The following FGF14 variants were observed in gnomAD, a reference collection of about 807,000 sequenced individuals.
FGF14 encodes the protein fibroblast growth factor 14.
In FGF14, 5 loss-of-function variants were observed where a neutral mutation model predicts 25.5. The ratio of observed to expected loss-of-function variants is 0.20; its 90% CI spans 0.10 to 0.41. The LOEUF is 0.41. Among genes scored for constraint, FGF14 ranks in the 10% least tolerant of loss-of-function variants. The pLI is 1.00. For missense variants in FGF14, 222 were observed against 320.1 expected (o/e 0.69, Z 2.34); for synonymous variants, 138 against 118.3 (o/e 1.17, Z -1.08).
intron 1 of FGF14, among the ~76,000 whole-genome samples, chr13:102,310,444 T>C (rs1364136399): frequency 6.6e-6 from 1 of 152,116 alleles, no homozygotes; most frequent in East Asian, 1.9e-4. Flanking sequence ...ATGGAACTAA[T>C]AAGTATTAAA....
At chr13:102,086,797 A>C (rs2043928747) in intron 1 of FGF14, among the ~76,000 whole-genome samples, 1 of 152,204 alleles carries the variant, frequency 6.6e-6, no homozygotes, top group Admixed American at 6.5e-5. Context: ...GTGTGATGGA[A>C]TTTCAATATG....
chr13:102,149,254 T>C (rs1243925096), intron 1 of FGF14, among the ~76,000 whole-genome samples: 1 of 152,066 alleles, frequency 6.6e-6, no homozygotes, highest in Non-Finnish European at 1.5e-5. Context: ...CACTCATTGA[T>C]ATAAAATGGC....
intron 1 of FGF14, among the ~76,000 whole-genome samples, chr13:102,262,597 C>T (rs1223616419): frequency 6.6e-6 from 1 of 152,074 alleles, no homozygotes; most frequent in African/African-American, 2.4e-5. Context: ...AATCCATGCA[C>T]ATATCTGTTA....
chr13:102,260,501 G>C (rs750247664), intron 1 of FGF14, among the ~76,000 whole-genome samples: 1 of 152,190 alleles, frequency 6.6e-6, no homozygotes, highest in Non-Finnish European at 1.5e-5. Context: ...GGGGAGTATC[G>C]GAAATGGCTC....
intron 1 of FGF14, among the ~76,000 whole-genome samples, chr13:102,269,710 A>G (rs991827096): frequency 6.6e-6 from 1 of 152,044 alleles, no homozygotes; most frequent in Non-Finnish European, 1.5e-5. Context: ...AATCTTTAAC[A>G]CAAGTTGATG....
At chr13:102,044,669 TC>T (rs746831863) in intron 1 of FGF14, among the ~76,000 whole-genome samples, 30 of 152,268 alleles carry the variant, frequency 2.0e-4, no homozygotes, top group Non-Finnish European at 3.7e-4. Flanking sequence ...CCATGATCTC[TC>T]AAAGCCATTT....
chr13:102,131,977 C>T (rs2046216893), intron 1 of FGF14, among the ~76,000 whole-genome samples: 1 of 152,154 alleles, frequency 6.6e-6, no homozygotes, highest in Non-Finnish European at 1.5e-5. Flanking sequence ...TGCAGCCATT[C>T]TGGATCAGAT....
At chr13:101,963,201 A>G (rs1455767875) in intron 1 of FGF14, among the ~76,000 whole-genome samples, 2 of 152,258 alleles carry the variant, frequency 1.3e-5, no homozygotes, top group Non-Finnish European at 2.9e-5. Context: ...CATTGCTCCA[A>G]CCAACCTACA....
chr13:102,329,062 C>T (rs1297489735), intron 1 of FGF14, among the ~76,000 whole-genome samples: 1 of 152,178 alleles, frequency 6.6e-6, no homozygotes, highest in South Asian at 2.1e-4. Context: ...TGTACATCCT[C>T]CTCTCTGGCC....
intron 1 of FGF14, among the ~76,000 whole-genome samples, chr13:102,277,965 G>A (rs1275519369): frequency 6.6e-6 from 1 of 152,156 alleles, no homozygotes. Flanking sequence ...TTTGCAAAAT[G>A]ATTGCCCCAG....
chr13:102,101,435 C>T (rs1373920094), intron 1 of FGF14, among the ~76,000 whole-genome samples: 1 of 152,090 alleles, frequency 6.6e-6, no homozygotes, highest in Non-Finnish European at 1.5e-5. Context: ...TAAAGATGAG[C>T]AAGCAGATAA....
intron 1 of FGF14, among the ~76,000 whole-genome samples, chr13:102,049,466 AAAC>A (rs1373551803): frequency 6.6e-6 from 1 of 152,144 alleles, no homozygotes; most frequent in Admixed American, 6.5e-5. Context: ...GTTCACTTCA[AAAC>A]AACAAAAAAA....
At chr13:101,756,152 C>A (rs781063516) in intron 3 of FGF14, among the ~76,000 whole-genome samples, 1 of 152,174 alleles carries the variant, frequency 6.6e-6, no homozygotes, top group Non-Finnish European at 1.5e-5. Flanking sequence ...GATAAAGCCA[C>A]CCATCCTTCA....
At chr13:102,296,030 A>G (rs1323792606) in intron 1 of FGF14, among the ~76,000 whole-genome samples, 2 of 152,132 alleles carry the variant, frequency 1.3e-5, no homozygotes, top group Non-Finnish European at 2.9e-5. Context: ...TGTAGAACTG[A>G]GTTTGCATTG....
chr13:101,890,314 T>C (rs2046203227), intron 1 of FGF14, among the ~76,000 whole-genome samples: 1 of 152,046 alleles, frequency 6.6e-6, no homozygotes, highest in Admixed American at 6.6e-5. Context: ...CTAAGTTTAA[T>C]AAGTGAAAAG....
At chr13:102,154,515 A>G (rs1249072525) in intron 1 of FGF14, among the ~76,000 whole-genome samples, 2 of 152,328 alleles carry the variant, frequency 1.3e-5, no homozygotes, top group Admixed American at 1.3e-4. Flanking sequence ...TCCTGAAGGA[A>G]GTACTAAACA....
At chr13:102,314,648 GT>G (rs1309633888) in intron 1 of FGF14, among the ~76,000 whole-genome samples, 2 of 152,082 alleles carry the variant, frequency 1.3e-5, no homozygotes, top group Non-Finnish European at 2.9e-5. Context: ...GAATAAACAG[GT>G]AGACGTACAT....
intron 1 of FGF14, among the ~76,000 whole-genome samples, chr13:102,325,534 C>T (rs769360323): frequency 1.3e-5 from 2 of 152,152 alleles, no homozygotes; most frequent in Non-Finnish European, 2.9e-5. Context: ...TACTAACAGG[C>T]TGTTTCCTCT....
chr13:101,813,945 C>T (rs2041706384), intron 3 of FGF14, among the ~76,000 whole-genome samples: 1 of 152,180 alleles, frequency 6.6e-6, no homozygotes, highest in Non-Finnish European at 1.5e-5. Context: ...CAGCAACAAA[C>T]ATTTTAAAGG....
Sources: gnomAD v4.1 joint callset for allele counts (sites outside exome capture counted in the v4.1 genomes callset) on GRCh38, gnomAD v4.1.1 for gene constraint, MANE v1.5 for transcripts, NCBI Gene and HGNC (gene_info 2026-07-23, HGNC 2026-07-21) for gene names.